The following ATP4A variants were observed in gnomAD, a reference collection of about 807,000 sequenced individuals.
ATP4A encodes the protein potassium-transporting ATPase alpha chain 1.
Under a neutral mutation model 112.1 loss-of-function variants are expected in ATP4A, and 73 were observed. The observed-to-expected ratio is 0.65, with a 90% CI of 0.54 to 0.79. ATP4A has a LOEUF of 0.79. Ranked by LOEUF, ATP4A falls within the 30% of genes least tolerant of loss-of-function variation. The pLI is 0.00. For missense variants in ATP4A, 1,081 were observed against 1,425.9 expected (o/e 0.76, Z 3.90); for synonymous variants, 588 against 588.9 (o/e 1.00, Z 0.02).
chr19:35,557,544 C>T lies in ATP4A; in HGVS notation c.1693+111G>A. 7.6e-7 allele frequency: 1 copy of T among 1,316,694 alleles called. No individual in the cohort carries two copies. Among genetic ancestry groups the T allele is most frequent in the Non-Finnish European group, 1.0e-6 (1 of 971,852 alleles). The allele number at this position is 1,316,694 out of a possible 1,614,324, so 81.6% of individuals were successfully genotyped here. ...GGTGAGGCTGTGGACTGCGACAAATCAGCCAGCAGCCAGGGATGAGGACGG... is the reference window on the plus strand; with the variant it reads ...GGTGAGGCTGTGGACTGCGACAAATTAGCCAGCAGCCAGGGATGAGGACGG... On this transcript the variant is annotated intron_variant, in intron 11 of 21. Coordinates refer to ENST00000262623, the MANE Select transcript of ATP4A (RefSeq NM_000704.3). This position sits in a 1 kb window ranked among gnomAD's most constrained non-coding sequence, Gnocchi z 4.4.
rs2071600463 is a variant in ATP4A at position 35,551,306 on chromosome 19, C to G, written c.2885+141G>C. Reference sequence around the variant, plus strand: ...GGGGGCCGTGGGGGGAGTTATTGGCCAGTTAGAAAGGTTTTTTTGGCATGT... The same window carrying G: ...GGGGGCCGTGGGGGGAGTTATTGGCGAGTTAGAAAGGTTTTTTTGGCATGT... On this transcript the variant is annotated intron_variant, in intron 19 of 21. Coordinates refer to ENST00000262623, the MANE Select transcript of ATP4A (RefSeq NM_000704.3). This position sits in a 1 kb window ranked among gnomAD's most constrained non-coding sequence, Gnocchi z 5.2. 1 of 1,400,622 alleles carries G rather than the reference C, an allele frequency of 7.1e-7. No individual in the cohort carries two copies. 86.8% of individuals were successfully genotyped at this position (1,400,622 alleles called of 1,614,324 possible). A position where few individuals can be genotyped will look rare whatever the true frequency, so the allele number is the denominator to read the frequency against.
Position 35,558,856 on chromosome 19 carries a change from G to T in ATP4A, c.1255+137C>A, listed in dbSNP as rs1002281664. On this transcript the variant is annotated intron_variant, in intron 8 of 21. Transcript: ENST00000262623. The surrounding 1 kb of genome is among the most constrained non-coding windows in gnomAD (Gnocchi z 5.1). ...CCGGATGACCCTTCCCTCTAGACCC[G>T]GTAGCGAGTCTCCTTTGAGACCTGG... The T allele has an allele frequency of 3.1e-6, 4 of 1,297,442 alleles. No individual in the cohort carries two copies. In the African/African-American group the frequency reaches 4.4e-5, roughly 14 times the overall value. 80.4% of individuals were successfully genotyped at this position (1,297,442 alleles called of 1,614,324 possible).
In ATP4A at chr19:35,555,387, A is replaced by G; in HGVS notation, c.2157+53T>C. ...TGGGTGGTCAGTGAGAGGCCGGTCC[A>G]AGACCAGCCCCGCCTGTCTGCCCGC... On this transcript the variant is annotated intron_variant, in intron 14 of 21. Coordinates refer to ENST00000262623, the MANE Select transcript of ATP4A (RefSeq NM_000704.3). The surrounding 1 kb of genome is among the most constrained non-coding windows in gnomAD (Gnocchi z 6.6). 1 of 1,594,554 alleles carries G rather than the reference A, an allele frequency of 6.3e-7. No homozygotes were observed. The highest frequency in any genetic ancestry group is 8.6e-7 in the Non-Finnish European group (1 of 1,169,082).
intron 16 of ATP4A, among the ~76,000 whole-genome samples, chr19:35,554,624 G>A (rs907698323): frequency 2.0e-5 from 3 of 152,148 alleles, no homozygotes; most frequent in Non-Finnish European, 2.9e-5. Context: ...ATTCAAGTTT[G>A]GCCAGATACC....
Position 35,558,378 on chromosome 19 carries a change from G to A in ATP4A, c.1484C>T (p.Ser495Phe), listed in dbSNP as rs1408982669. ...FPKVCEIPFNSTNKFQLSIHT... is the reference protein window; with the variant it reads ...FPKVCEIPFNFTNKFQLSIHT... Reference sequence around the variant, plus strand: ...GCTGCGCACCTGGAACTTGTTGGTGGAGTTGAAGGGTATCTCGCAGACTTT... The same window carrying A: ...GCTGCGCACCTGGAACTTGTTGGTGAAGTTGAAGGGTATCTCGCAGACTTT... Residue 495 changes from serine to phenylalanine, a missense_variant, in exon 10 of 22, where the codon TCC becomes TTC. Coordinates refer to ENST00000262623, the MANE Select transcript of ATP4A (RefSeq NM_000704.3). The surrounding 1 kb of genome is among the most constrained non-coding windows in gnomAD (Gnocchi z 5.1). 1 of 1,611,282 alleles carries A rather than the reference G, an allele frequency of 6.2e-7. No individual in the cohort carries two copies. The highest frequency in any genetic ancestry group is 1.7e-5 in the Admixed American group (1 of 59,524).
At position 35,558,156 on chromosome 19, in the gene ATP4A, AG is replaced by A. The variant is rs1446763507; in HGVS notation, c.1500+205del. 48 of 707,596 alleles carry A rather than the reference AG, an allele frequency of 6.8e-5. No individual in the cohort carries two copies. Among genetic ancestry groups the A allele is most frequent in the Non-Finnish European group, 1.0e-4 (44 of 436,818 alleles). 43.8% of individuals were successfully genotyped at this position (707,596 alleles called of 1,614,324 possible). A position where few individuals can be genotyped will look rare whatever the true frequency, so the allele number is the denominator to read the frequency against. On this transcript the variant is annotated intron_variant, in intron 10 of 21. Coordinates refer to ENST00000262623, the MANE Select transcript of ATP4A (RefSeq NM_000704.3). The surrounding 1 kb of genome is among the most constrained non-coding windows in gnomAD (Gnocchi z 5.1). ...GTGCTCCCCATGGACAGTCCCGCCGAGGAGAAGCTGTGGGCGGGGCTGGGTG... is the reference window on the plus strand; with the variant it reads ...GTGCTCCCCATGGACAGTCCCGCCGAGAGAAGCTGTGGGCGGGGCTGGGTG...
rs371922641 is a variant in ATP4A, at chr19:35,553,863, T to C, written c.2482-34A>G. The C allele has an allele frequency of 3.5e-5, 54 of 1,547,320 alleles. No homozygotes were observed. In the African/African-American group the frequency reaches 6.8e-4, roughly 20 times the overall value. ...GAGTGGAAGGAACTGGGACTGAGGG[T>C]TTGGCTGGGCCCTTGTCCCCTCCAC... On this transcript the variant is annotated intron_variant, in intron 16 of 21. Transcript: ENST00000262623.
chr19:35,555,401 C>T lies in ATP4A; in HGVS notation c.2157+39G>A. 2 of 1,602,024 alleles carry T rather than the reference C, an allele frequency of 1.2e-6. No individual in the cohort carries two copies. On this transcript the variant is annotated intron_variant, in intron 14 of 21. Coordinates refer to ENST00000262623, the MANE Select transcript of ATP4A (RefSeq NM_000704.3). This position sits in a 1 kb window ranked among gnomAD's most constrained non-coding sequence, Gnocchi z 6.6. Reference sequence around the variant, plus strand: ...GAGGCCGGTCCAAGACCAGCCCCGCCTGTCTGCCCGCCTGCCCACCCTCAT... The same window carrying T: ...GAGGCCGGTCCAAGACCAGCCCCGCTTGTCTGCCCGCCTGCCCACCCTCAT...
In ATP4A at chr19:35,557,555, C is replaced by A; in HGVS notation, c.1693+100G>T. 7.2e-7 allele frequency: 1 copy of A among 1,383,714 alleles called. No individual in the cohort carries two copies. The allele number at this position is 1,383,714 out of a possible 1,614,324, so 85.7% of individuals were successfully genotyped here. A position where few individuals can be genotyped will look rare whatever the true frequency, so the allele number is the denominator to read the frequency against. On this transcript the variant is annotated intron_variant, in intron 11 of 21. Coordinates refer to ENST00000262623, the MANE Select transcript of ATP4A (RefSeq NM_000704.3). This position sits in a 1 kb window ranked among gnomAD's most constrained non-coding sequence, Gnocchi z 4.4. Reference sequence around the variant, plus strand: ...GGACTGCGACAAATCAGCCAGCAGCCAGGGATGAGGACGGTCAGGGCTGGG... The same window carrying A: ...GGACTGCGACAAATCAGCCAGCAGCAAGGGATGAGGACGGTCAGGGCTGGG...
chr19:35,555,545 C>A lies in ATP4A; in HGVS notation c.2052G>T (p.Met684Ile). 6.3e-7 allele frequency: 1 copy of A among 1,594,612 alleles called. No individual in the cohort carries two copies. Among genetic ancestry groups the A allele is most frequent in the South Asian group, 1.1e-5 (1 of 89,114 alleles). ...GGGCCTCGACCAGTTCCGATGGGTCCATGTCCTTCAGCTGCATGCCATTGA... is the reference window on the plus strand; with the variant it reads ...GGGCCTCGACCAGTTCCGATGGGTCAATGTCCTTCAGCTGCATGCCATTGA... ...CVINGMQLKD[M>I]DPSELVEALR... Residue 684 changes from methionine to isoleucine, a missense_variant, in exon 14 of 22, where the codon ATG (methionine) becomes ATT (isoleucine). Coordinates refer to ENST00000262623, the MANE Select transcript of ATP4A (RefSeq NM_000704.3). The surrounding 1 kb of genome is among the most constrained non-coding windows in gnomAD (Gnocchi z 6.6).
At position 35,555,157 on chromosome 19, in the gene ATP4A, G is replaced by T. The variant is rs2071623195; in HGVS notation, c.2326+9C>A. ...ACACTGCCTGCCCTCCCCCTGGCGT[G>T]GCTCGGACCCTGCTCCACGCCTGTC... On this transcript the variant is annotated intron_variant, in intron 15 of 21. Transcript: ENST00000262623. This position sits in a 1 kb window ranked among gnomAD's most constrained non-coding sequence, Gnocchi z 6.6. 1 of 1,613,978 alleles carries T rather than the reference G, an allele frequency of 6.2e-7. No individual in the cohort carries two copies. The highest frequency in any genetic ancestry group is 1.3e-5 in the African/African-American group (1 of 74,894).
chr19:35,551,616 C>T lies in ATP4A; in HGVS notation c.2752-36G>A, dbSNP rs1442202585. The T allele has an allele frequency of 6.3e-7, 1 of 1,599,584 alleles. No homozygotes were observed. On this transcript the variant is annotated intron_variant, in intron 18 of 21. Coordinates refer to ENST00000262623, the MANE Select transcript of ATP4A (RefSeq NM_000704.3). The surrounding 1 kb of genome is among the most constrained non-coding windows in gnomAD (Gnocchi z 5.2). ...GGGGCAAACGGAAACAGCCTGAGTC[C>T]AGCCTGAGTCCCGGCGGAGAGCCTC...
In ATP4A at chr19:35,551,594, G is replaced by T; in HGVS notation, c.2752-14C>A. On this transcript the variant is annotated splice_polypyrimidine_tract_variant and intron_variant, in intron 18 of 21. Transcript: ENST00000262623. The surrounding 1 kb of genome is among the most constrained non-coding windows in gnomAD (Gnocchi z 5.2). Reference sequence around the variant, plus strand: ...CTGCCCGAATGTCTGCAGGCCAGGGGCAAACGGAAACAGCCTGAGTCCAGC... The same window carrying T: ...CTGCCCGAATGTCTGCAGGCCAGGGTCAAACGGAAACAGCCTGAGTCCAGC... 1 of 1,608,940 alleles carries T rather than the reference G, an allele frequency of 6.2e-7. No individual in the cohort carries two copies. The highest frequency in any genetic ancestry group is 8.5e-7 in the Non-Finnish European group (1 of 1,177,664).
Position 35,558,429 on chromosome 19 carries a change from G to A in ATP4A, c.1433C>T (p.Ala478Val). 1 of 1,607,460 alleles carries A rather than the reference G, an allele frequency of 6.2e-7. No individual in the cohort carries two copies. Among genetic ancestry groups the A allele is most frequent in the Middle Eastern group, 1.7e-4 (1 of 6,058 alleles). Residue 478 changes from alanine (A) to valine (V), a missense_variant, in exon 10 of 22, where the codon GCC (alanine) becomes GTC (valine). Ala to Val is a moderately conservative substitution (Grantham distance 64). Around this residue, in one of 3 missense-constraint regions of ATP4A, gnomAD observed 850 missense variants for 1,068.2 expected, o/e 0.80. Coordinates refer to ENST00000262623, the MANE Select transcript of ATP4A (RefSeq NM_000704.3). This position sits in a 1 kb window ranked among gnomAD's most constrained non-coding sequence, Gnocchi z 5.1. ...TGGGAAGCGGTCCCGGTAGCCCATG[G>A]CGTTGCCCAGCGTCAGCTCCGAGAA... is the stretch of plus-strand genomic sequence containing the variant. ...LKFSELTLGN[A>V]MGYRDRFPKV...
At position 35,555,605 on chromosome 19, in the gene ATP4A, G is replaced by A. The variant is rs759588356; in HGVS notation, c.2007-15C>T. The A allele has an allele frequency of 2.1e-5, 33 of 1,576,102 alleles. No homozygotes were observed. The highest frequency in any genetic ancestry group is 1.8e-4 in the East Asian group (8 of 44,242). On this transcript the variant is annotated splice_polypyrimidine_tract_variant and intron_variant, in intron 13 of 21. Transcript: ENST00000262623. The surrounding 1 kb of genome is among the most constrained non-coding windows in gnomAD (Gnocchi z 6.6). The stretch of plus-strand genomic sequence containing the variant: ...CACGGGCATCCCTGGGGAGGAGATG[G>A]GAGGACCTCGCTGGGACCTCGGTCT...
At position 35,551,401 on chromosome 19, in the gene ATP4A, T is replaced by G. The variant is rs1241876318; in HGVS notation, c.2885+46A>C. ...AACCACAGTCAGGATCTGATGGGAG[T>G]TGGGACCAGGGGTTGGAGGGCAGGA... On this transcript the variant is annotated intron_variant, in intron 19 of 21. Coordinates refer to ENST00000262623, the MANE Select transcript of ATP4A (RefSeq NM_000704.3). The surrounding 1 kb of genome is among the most constrained non-coding windows in gnomAD (Gnocchi z 5.2). The G allele has an allele frequency of 6.2e-7, 1 of 1,612,354 alleles. No individual in the cohort carries two copies. The highest frequency in any genetic ancestry group is 8.5e-7 in the Non-Finnish European group (1 of 1,179,690).
In ATP4A at chr19:35,560,830, G is replaced by C; in HGVS notation, c.523C>G (p.Leu175Val). 1 of 1,614,050 alleles carries C rather than the reference G, an allele frequency of 6.2e-7. No homozygotes were observed. Among genetic ancestry groups the C allele is most frequent in the East Asian group, 2.2e-5 (1 of 44,880 alleles). ...STNIIASFKNLVPQQATVIRD... is the reference protein window; with the variant it reads ...STNIIASFKNVVPQQATVIRD... ...GCTGGGGAACCCACCTGTGGCACAA[G>C]GTTCTTAAAGCTGGCGATGATGTTG... is the stretch of plus-strand genomic sequence containing the variant. Residue 175 changes from leucine to valine, a missense_variant, in exon 5 of 22, where the codon CTT becomes GTT. By Grantham distance (32) the Leu-to-Val change is conservative. This residue lies in a region of ATP4A where 850 missense variants were observed against 1,068.2 expected (regional missense o/e 0.80). Transcript: ENST00000262623. This position sits in a 1 kb window ranked among gnomAD's most constrained non-coding sequence, Gnocchi z 5.1.
intron 1 of ATP4A, 33 bp from the exon 2 acceptor site, chr19:35,563,560 T>A (rs760916859): frequency 5.0e-6 from 8 of 1,613,556 alleles, no homozygotes; most frequent in Non-Finnish European, 4.2e-6. Flanking sequence ...GAGGGAGAAC[T>A]CAGATTCCAC....
At chr19:35,556,758 A>G (rs1263799182) in intron 12 of ATP4A, among the ~76,000 whole-genome samples, 155 bp downstream of exon 12, 2 of 152,196 alleles carry the variant, frequency 1.3e-5, no homozygotes, top group African/African-American at 2.4e-5. Flanking sequence ...ATCTGGCTAG[A>G]CCTGAAGCTT....
Sources: allele counts gnomAD v4.1 joint callset (sites outside exome capture counted in the v4.1 genomes callset), GRCh38; gene constraint gnomAD v4.1.1; regional missense constraint gnomAD v4.1.1; non-coding constraint Gnocchi (gnomAD v3.1); transcripts MANE v1.5; gene names NCBI Gene and HGNC (gene_info 2026-07-23, HGNC 2026-07-21).